Variants in ABCB7 observed in about 807,000 individuals in gnomAD.
The protein encoded by ABCB7 is iron-sulfur clusters transporter ABCB7, mitochondrial.
ABCB7 carries 7 observed loss-of-function variants against 54.4 expected under a neutral mutation model. That is an observed-to-expected ratio of 0.13 (90% confidence interval 0.07 to 0.24). The LOEUF is 0.24. Ranked by LOEUF, ABCB7 falls within the 10% of genes least tolerant of loss-of-function variation. The pLI is 1.00. For synonymous variants in ABCB7, 218 were observed against 207.1 expected (o/e 1.05, Z -0.45); for missense variants, 356 against 570.4 (o/e 0.62, Z 3.83).
At chrX:75,100,951 T>C (rs1158529639) in intron 3 of ABCB7, among the ~76,000 whole-genome samples, 9 of 111,515 alleles carry the variant, frequency 8.1e-5, no homozygotes, top group Admixed American at 5.7e-4. Context: ...ACAGTGTAAA[T>C]AGAGTGAACA....
chrX:75,068,702 A>G (rs772912398), intron 12 of ABCB7, among the ~76,000 whole-genome samples: 7 of 112,389 alleles, frequency 6.2e-5, no homozygotes, highest in Non-Finnish European at 1.3e-4. Flanking sequence ...TATTTTACAG[A>G]TAAGAAAATG....
At chrX:75,112,801 C>A in intron 3 of ABCB7, 85 bp downstream of exon 3, 4 of 758,676 alleles carry the variant, frequency 5.3e-6, no homozygotes, top group Non-Finnish European at 8.1e-6. Flanking sequence ...TCAAAATATT[C>A]TAGGATATTA....
At chrX:75,123,011 G>T (rs2081894190) in intron 1 of ABCB7, among the ~76,000 whole-genome samples, 1 of 110,544 alleles carries the variant, frequency 9.0e-6, no homozygotes, top group Admixed American at 9.7e-5. Flanking sequence ...TGTTTCCTTT[G>T]CTGTACAAAA....
chrX:75,095,375 G>T (rs948834621), intron 4 of ABCB7, among the ~76,000 whole-genome samples: 3 of 112,038 alleles, frequency 2.7e-5, no homozygotes, highest in Non-Finnish European at 5.6e-5. Context: ...CAGGTTTGAT[G>T]AAAAATAGGA....
rs1033938392 is a variant in ABCB7, at chrX:75,120,037, A to G, written c.169-5206T>C. Among the ~76,000 whole-genome samples, 3 of 112,077 alleles carry G rather than the reference A, an allele frequency of 2.7e-5. No homozygotes were observed. In the East Asian group the frequency reaches 8.4e-4, roughly 31 times the overall value. On this transcript the variant is annotated intron_variant, in intron 1 of 15. Transcript: ENST00000373394. ...ATGGAAAGCTAAAATGTTTATGAAT[A>G]TCAAACAGAATAGGAGTGAATTGAA...
intron 4 of ABCB7, chrX:75,097,405 T>C (rs1243627802): frequency 8.9e-6 from 1 of 112,017 alleles, no homozygotes; most frequent in Non-Finnish European, 1.9e-5. Flanking sequence ...AACTTTCTTC[T>C]GAAACCCCAC....
intron 4 of ABCB7, among the ~76,000 whole-genome samples, chrX:75,079,567 G>A (rs2081439186): frequency 9.0e-6 from 1 of 111,677 alleles, no homozygotes; most frequent in South Asian, 3.8e-4. Context: ...AGAGACCCAC[G>A]TACCCTTCAC....
At chrX:75,102,098 A>C (rs2081645199) in intron 3 of ABCB7, among the ~76,000 whole-genome samples, 1 of 111,237 alleles carries the variant, frequency 9.0e-6, no homozygotes, top group Non-Finnish European at 1.9e-5. Flanking sequence ...GGTACACGTG[A>C]GATTTTGTTG....
intron 1 of ABCB7, among the ~76,000 whole-genome samples, chrX:75,145,375 T>C (rs773442017): frequency 2.7e-5 from 3 of 111,160 alleles, no homozygotes; most frequent in African/African-American, 9.8e-5. Context: ...AAAAAGCTTA[T>C]CCACCACAAT....
chrX:75,070,440 T>C lies in ABCB7; in HGVS notation c.1290A>G (p.Val430=), dbSNP rs2081354881. Residue 430 remains valine (V), a synonymous_variant, in exon 10 of 16, where the codon GTA becomes GTG. Coordinates refer to ENST00000373394, the MANE Select transcript of ABCB7 (RefSeq NM_001271696.3). ...TGAGTGCTTGTCTAGTCTCTCTATATACAGTTCCCAGAAAGTTCAGGGGTA... is the reference window on the plus strand; with the variant it reads ...TGAGTGCTTGTCTAGTCTCTCTATACACAGTTCCCAGAAAGTTCAGGGGTA... ...LSLPLNFLGT[V]YRETRQALID... is the part of the protein sequence containing the mutation. The C allele has an allele frequency of 1.7e-6, 2 of 1,210,470 alleles. No individual in the cohort carries two copies. Among genetic ancestry groups the C allele is most frequent in the East Asian group, 3.0e-5 (1 of 33,800 alleles).
In ABCB7 at chrX:75,053,232, C is replaced by T. The variant is rs2081208991; in HGVS notation, c.*138G>A. The T allele has an allele frequency of 1.4e-5, 12 of 851,434 alleles. No homozygotes were observed. The highest frequency in any genetic ancestry group is 4.3e-4 in the Middle Eastern group (1 of 2,341). 70.2% of individuals were successfully genotyped at this position (851,434 alleles called of 1,213,427 possible). A position where few individuals can be genotyped will look rare whatever the true frequency, so the allele number is the denominator to read the frequency against. ...AATAGACTATGAAAGATGTAAAACT[C>T]AAATCCCCTTTTAAATAAATCTTAT... is the stretch of plus-strand genomic sequence containing the variant. On this transcript the variant is annotated 3_prime_UTR_variant, in exon 16 of 16. Transcript: ENST00000373394.
rs905579270 is a variant in ABCB7 at position 75,097,713 on chromosome X, G to A, written c.453+1229C>T. Among the ~76,000 whole-genome samples, 5 of 111,549 alleles carry A rather than the reference G, an allele frequency of 4.5e-5. No homozygotes were observed. In the Admixed American group the frequency reaches 4.8e-4, roughly 11 times the overall value. On this transcript the variant is annotated intron_variant, in intron 4 of 15. Coordinates refer to ENST00000373394, the MANE Select transcript of ABCB7 (RefSeq NM_001271696.3). ...ATATAAGAGTGGTAGCCAAATCATA[G>A]CCAAACCTCCTTTATGCTCATTTTA...
chrX:75,098,638 CCAAAGAGG>C (rs2081613025), intron 4 of ABCB7, among the ~76,000 whole-genome samples: 1 of 111,153 alleles, frequency 9.0e-6, no homozygotes, highest in Non-Finnish European at 1.9e-5. Context: ...TATTTCGGAG[CCAAAGAGG>C]CTCCGAAAAG....
Position 75,062,319 on chromosome X carries a change from A to C in ABCB7, c.1935+9T>G, listed in dbSNP as rs745603392. On this transcript the variant is annotated intron_variant, in intron 14 of 15. Transcript: ENST00000373394. ...CATTGAAGAGCTTTATATTTTAATC[A>C]TAACTTACCTCTTCAGTAATCGAAT... 8.4e-7 allele frequency: 1 copy of C among 1,191,292 alleles called. No homozygotes were observed. Among genetic ancestry groups the C allele is most frequent in the Admixed American group, 2.2e-5 (1 of 45,909 alleles).
chrX:75,069,195 T>G, intron 11 of ABCB7, 59 bp from the exon 12 acceptor site: 3 of 1,199,663 alleles, frequency 2.5e-6, no homozygotes, highest in Non-Finnish European at 2.3e-6. Context: ...AAACCCCAGT[T>G]TTAAACCACA....
rs115106615 is a variant in ABCB7, at chrX:75,112,730, A to G, written c.333+156T>C. Among the ~76,000 whole-genome samples, 544 of 87,225 alleles carry G rather than the reference A, an allele frequency of 6.2e-3. 2 individuals carry two copies. Among genetic ancestry groups the G allele is most frequent in the African/African-American group, 0.019 (526 of 27,664 alleles). 75.7% of individuals were successfully genotyped at this position (87,225 alleles called of 115,157 possible). ...TTAAGTCCGAGAAAATATCATCTAT[A>G]AACTATGGTCAATTAATATGTTTTT... is the stretch of plus-strand genomic sequence containing the variant. On this transcript the variant is annotated intron_variant, in intron 3 of 15. Transcript: ENST00000373394.
chrX:75,068,962 C>T, intron 12 of ABCB7, 45 bp downstream of exon 12: 1 of 1,180,085 alleles, frequency 8.5e-7, no homozygotes, highest in Non-Finnish European at 1.2e-6. Context: ...GATTGATCAA[C>T]CCAATAAATC....
At chrX:75,143,440 C>G (rs1250350734) in intron 1 of ABCB7, among the ~76,000 whole-genome samples, 1 of 111,650 alleles carries the variant, frequency 9.0e-6, no homozygotes, top group African/African-American at 3.3e-5. Flanking sequence ...TCCAAACCTT[C>G]CCACATTTTC....
At chrX:75,139,357 G>A (rs970170466) in intron 1 of ABCB7, among the ~76,000 whole-genome samples, 2 of 111,651 alleles carry the variant, frequency 1.8e-5, no homozygotes, top group Non-Finnish European at 3.8e-5. Context: ...AACACACTTT[G>A]CACATTTGCT....
Sources: gnomAD v4.1 joint callset for allele counts (sites outside exome capture counted in the v4.1 genomes callset) on GRCh38, gnomAD v4.1.1 for gene constraint, MANE v1.5 for transcripts, NCBI Gene and HGNC (gene_info 2026-07-23, HGNC 2026-07-21) for gene names.